Variants in PLXNA1 observed in about 807,000 individuals in gnomAD.
PLXNA1 encodes plexin A1.
A neutral mutation model predicts 191.7 loss-of-function variants in PLXNA1; 77 were observed. That is an observed-to-expected ratio of 0.40 (90% CI 0.33 to 0.49). PLXNA1 has a LOEUF of 0.49. Ranked by LOEUF, PLXNA1 falls within the 20% of genes least tolerant of loss-of-function variation. The pLI, the probability that PLXNA1 is intolerant of heterozygous loss-of-function variation, is 0.63. For missense variants in PLXNA1, 2,110 were observed against 2,660.2 expected (o/e 0.79, Z 4.55); for synonymous variants, 1,137 against 1,156.4 (o/e 0.98, Z 0.34).
chr3:126,984,655 G>A (rs1246115084), intron 1 of PLXNA1, among the ~76,000 whole-genome samples: 1 of 126,036 alleles, frequency 7.9e-6, no homozygotes, highest in Admixed American at 7.6e-5. Context: ...AGGGCGTTTT[G>A]GGCAGAGGAC....
At chr3:127,024,467 T>C (rs1474365298) in intron 23 of PLXNA1, among the ~76,000 whole-genome samples, 1 of 152,002 alleles carries the variant, frequency 6.6e-6, no homozygotes, top group East Asian at 1.9e-4. Flanking sequence ...GGGAGGCCAG[T>C]CTTGGCCAAG....
chr3:127,009,936 T>G (rs1448089955), intron 9 of PLXNA1, among the ~76,000 whole-genome samples: 1 of 152,218 alleles, frequency 6.6e-6, no homozygotes, highest in East Asian at 1.9e-4. Flanking sequence ...AAATGCCTGT[T>G]TCTGGACTCT....
At position 127,007,889 on chromosome 3, in the gene PLXNA1, G is replaced by A. The variant is rs2079076512; in HGVS notation, c.2088G>A (p.Leu696=). Residue 696 remains leucine, a synonymous_variant, in exon 9 of 32, where the codon CTG becomes CTA. Coordinates refer to ENST00000393409, the MANE Select transcript of PLXNA1 (RefSeq NM_032242.4). ...ACAACGTGGCTGACTGCGCCTTCCT[G>A]GAGGGCCGTGTCAACGTGTCTGAGG... is the stretch of plus-strand genomic sequence containing the variant. ...CTHNVADCAF[L]EGRVNVSEDC... 6.2e-7 allele frequency: 1 copy of A among 1,611,412 alleles called. No individual in the cohort carries two copies. Among genetic ancestry groups the A allele is most frequent in the Non-Finnish European group, 8.5e-7 (1 of 1,178,612 alleles).
At chr3:127,014,959 G>A in intron 14 of PLXNA1, 128 bp downstream of exon 14, 1 of 1,444,494 alleles carries the variant, frequency 6.9e-7, no homozygotes, top group Non-Finnish European at 9.2e-7. Flanking sequence ...CGGCCTGGGT[G>A]CTGCCCCTCC....
At chr3:127,027,017 A>G (rs1182365529) in intron 23 of PLXNA1, 2 of 158,920 alleles carry the variant, frequency 1.3e-5, no homozygotes, top group Non-Finnish European at 2.8e-5. Context: ...GGCAGCTCCC[A>G]CTCCAGAGGG....
intron 10 of PLXNA1, 54 bp downstream of exon 10, chr3:127,012,212 C>T: frequency 6.4e-7 from 1 of 1,551,920 alleles, no homozygotes; most frequent in Non-Finnish European, 8.8e-7. Context: ...GGCCGGTTAT[C>T]CTCACGGCCC....
Position 127,020,190 on chromosome 3 carries a change from A to G in PLXNA1, c.3896-12A>G. ...CAGGGCATGCTGCCCCTGACGCCGC[A>G]TCTGGCCACAGCCTTTGCAGAGCTG... On this transcript the variant is annotated splice_polypyrimidine_tract_variant and intron_variant, in intron 20 of 31. Coordinates refer to ENST00000393409, the MANE Select transcript of PLXNA1 (RefSeq NM_032242.4). The G allele has an allele frequency of 1.2e-6, 2 of 1,612,214 alleles. No individual in the cohort carries two copies. Among genetic ancestry groups the G allele is most frequent in the East Asian group, 4.5e-5 (2 of 44,828 alleles).
chr3:126,995,947 C>T (rs1381698008), intron 3 of PLXNA1, among the ~76,000 whole-genome samples: 1 of 152,194 alleles, frequency 6.6e-6, no homozygotes, highest in East Asian at 1.9e-4. Context: ...GGTCCCTGCA[C>T]AGAGGCTGCA....
At chr3:126,987,962 G>A (rs2078967972) in intron 1 of PLXNA1, among the ~76,000 whole-genome samples, 2 of 152,172 alleles carry the variant, frequency 1.3e-5, no homozygotes, top group South Asian at 4.1e-4. Flanking sequence ...TGCCTCTGCT[G>A]TGGGCTGTCA....
At position 127,012,206 on chromosome 3, in the gene PLXNA1, G is replaced by A. The variant is rs770687107; in HGVS notation, c.2313+48G>A. ...TGGGGGCCGTGAGCCGGAATGGGCCGGTTATCCTCACGGCCCTGGGTCCTG... is the reference window on the plus strand; with the variant it reads ...TGGGGGCCGTGAGCCGGAATGGGCCAGTTATCCTCACGGCCCTGGGTCCTG... On this transcript the variant is annotated intron_variant, in intron 10 of 31. Transcript: ENST00000393409. 28 of 1,576,406 alleles carry A rather than the reference G, an allele frequency of 1.8e-5. No individual in the cohort carries two copies. In the Admixed American group the frequency reaches 3.6e-4, roughly 20 times the overall value.
intron 10 of PLXNA1, among the ~76,000 whole-genome samples, chr3:127,013,481 G>C (rs979971230): frequency 2.0e-5 from 3 of 152,188 alleles, no homozygotes; most frequent in Non-Finnish European, 4.4e-5. Context: ...TGGAGTCCTA[G>C]CCAGGCTCCC....
Position 127,017,513 on chromosome 3 carries a change from G to A in PLXNA1, c.3365G>A (p.Arg1122Gln), listed in dbSNP as rs969533808. Residue 1122 changes from arginine to glutamine, a missense_variant, in exon 18 of 32, where the codon CGG (arginine) becomes CAG (glutamine). Arg to Gln is a conservative substitution (Grantham distance 43). This residue lies in a region of PLXNA1 where 644 missense variants were observed against 714.3 expected (regional missense o/e 0.90). Coordinates refer to ENST00000393409, the MANE Select transcript of PLXNA1 (RefSeq NM_032242.4). ...CGCAGCCCACCAGAGCTGGGGGAGCGGCCGGATGAGCTGGGCTTCGTCATG... is the reference window on the plus strand; with the variant it reads ...CGCAGCCCACCAGAGCTGGGGGAGCAGCCGGATGAGCTGGGCTTCGTCATG... ...PVRSPPELGE[R>Q]PDELGFVMDN... 3.7e-6 allele frequency: 6 copies of A among 1,613,426 alleles called. No individual in the cohort carries two copies. Among genetic ancestry groups the A allele is most frequent in the South Asian group, 3.3e-5 (3 of 91,090 alleles).
In PLXNA1 at chr3:127,018,460, G is replaced by A. The variant is rs753918103; in HGVS notation, c.3827G>A (p.Arg1276His). 4.3e-6 allele frequency: 7 copies of A among 1,612,926 alleles called. No homozygotes were observed. The highest frequency in any genetic ancestry group is 5.1e-6 in the Non-Finnish European group (6 of 1,179,888). ...AYKRKSRDADRTLKRLQLQMD... is the reference protein window; with the variant it reads ...AYKRKSRDADHTLKRLQLQMD... ...AAGCGCAAGTCACGAGATGCTGACC[G>A]CACACTCAAGCGGCTGCAGCTCCAG... is the stretch of plus-strand genomic sequence containing the variant. Residue 1276 changes from arginine to histidine, a missense_variant, in exon 20 of 32, where the codon CGC becomes CAC. Arg to His is a conservative substitution (Grantham distance 29, BLOSUM62 0). Transcript: ENST00000393409.
chr3:127,008,255 T>C (rs769552366), intron 9 of PLXNA1, among the ~76,000 whole-genome samples: 7 of 151,810 alleles, frequency 4.6e-5, no homozygotes, highest in Admixed American at 1.3e-4. Context: ...CTGGGTGCAA[T>C]TGGGGGCACT....
In PLXNA1 at chr3:127,006,208, T is replaced by TG; in HGVS notation, c.1997+33dup. The TG allele has an allele frequency of 3.2e-6, 5 of 1,553,108 alleles. No individual in the cohort carries two copies. In the South Asian group the frequency reaches 5.6e-5, roughly 17 times the overall value. On this transcript the variant is annotated intron_variant, in intron 8 of 31. Coordinates refer to ENST00000393409, the MANE Select transcript of PLXNA1 (RefSeq NM_032242.4). ...GTGTCTCTAGGCCCCTCCGCCCGCC[T>TG]GGGCCTGGGCTACTTGCCCCACTCC... is the stretch of plus-strand genomic sequence containing the variant.
intron 10 of PLXNA1, 127 bp from the exon 11 acceptor site, chr3:127,013,893 G>C (rs760721723): frequency 1.3e-6 from 1 of 796,418 alleles, no homozygotes; most frequent in Non-Finnish European, 2.2e-6. Context: ...GATGAGGGTG[G>C]AGAGGGAGCG....
chr3:127,028,625 G>A (rs1309147053), intron 25 of PLXNA1, among the ~76,000 whole-genome samples: 1 of 152,144 alleles, frequency 6.6e-6, no homozygotes, highest in Non-Finnish European at 1.5e-5. Context: ...AGAGGGGCAG[G>A]TGGAGCCATT....
intron 1 of PLXNA1, among the ~76,000 whole-genome samples, chr3:126,983,609 TCCCCCGC>T (rs1454679733): frequency 6.8e-6 from 1 of 146,730 alleles, no homozygotes; most frequent in Non-Finnish European, 1.5e-5. Context: ...CGCCGCGGCC[TCCCCCGC>T]CCCCCGGCCG....
rs763149293 is a variant in PLXNA1 at position 127,004,888 on chromosome 3, C to T, written c.1623C>T (p.Cys541=). The stretch of plus-strand genomic sequence containing the variant: ...GCCTCAACCCCTCTGCCTGCAGCTG[C>T]TCGCGGCGGGACGCCTGTGAGCGAG... ...HCGWCVLHSI[C]SRRDACERAD... is the part of the protein sequence containing the mutation. The change falls in exon 6 of 32, where the codon TGC becomes TGT. Residue 541 remains cysteine, a synonymous_variant. Coordinates refer to ENST00000393409, the MANE Select transcript of PLXNA1 (RefSeq NM_032242.4). The T allele has an allele frequency of 2.5e-6, 4 of 1,591,570 alleles. No homozygotes were observed. Among genetic ancestry groups the T allele is most frequent in the Non-Finnish European group, 3.4e-6 (4 of 1,166,844 alleles).
Sources: gnomAD v4.1 joint callset for allele counts (sites outside exome capture counted in the v4.1 genomes callset) on GRCh38, gnomAD v4.1.1 for gene constraint, gnomAD v4.1.1 regional missense constraint, MANE v1.5 for transcripts, NCBI Gene and HGNC (gene_info 2026-07-23, HGNC 2026-07-21) for gene names.